PCNT: variants seen among roughly 807,000 people sequenced by gnomAD.
PCNT encodes the protein kendrin.
In PCNT, 319 loss-of-function variants were observed where a neutral mutation model predicts 380.4. The ratio of observed to expected loss-of-function variants is 0.84; its 90% CI spans 0.77 to 0.92. The LOEUF is 0.92. PCNT is among the 40% of genes least tolerant of loss of function. The probability of loss-of-function intolerance (pLI) is 0.00; values close to 1 mark genes in which losing one functional copy is unlikely to be tolerated. For synonymous variants in PCNT, 1,845 were observed against 1,735.2 expected, an observed-to-expected ratio of 1.06 and a Z score of -1.57; for missense variants, 4,400 against 4,255.3, an observed-to-expected ratio of 1.03 and a Z score of -0.95.
chr21:46,371,067 A>AT (rs760145269), intron 15 of PCNT, among the ~76,000 whole-genome samples: 10 of 151,748 alleles, frequency 6.6e-5, no homozygotes, highest in Non-Finnish European at 2.9e-5. Context: ...AAAATAATAA[A>AT]TAAAAATTAA....
At chr21:46,351,328 C>T (rs1186980884) in intron 8 of PCNT, 101 bp from the exon 9 acceptor site, 4 of 776,360 alleles carry the variant, frequency 5.2e-6, no homozygotes, top group Non-Finnish European at 4.7e-6. Context: ...TGAGCTTTTA[C>T]CCTTAGGATC....
chr21:46,429,927 C>A, intron 35 of PCNT, 83 bp from the exon 36 acceptor site: 1 of 1,098,470 alleles, frequency 9.1e-7, no homozygotes, highest in South Asian at 1.3e-5. Flanking sequence ...CTCACGCCCC[C>A]ACGAGTCTGT....
At chr21:46,327,665 G>A (rs79457852) in intron 2 of PCNT, among the ~76,000 whole-genome samples, 12,347 of 152,310 alleles carry the variant, frequency 0.081, 635 homozygotes, top group Middle Eastern at 0.12. Context: ...GGAGTTCTTC[G>A]TGTGTGGTCG....
At chr21:46,391,463 G>A in intron 21 of PCNT, 87 bp downstream of exon 21, 2 of 1,125,364 alleles carry the variant, frequency 1.8e-6, no homozygotes, top group Admixed American at 2.1e-5. Flanking sequence ...AGGACACTCA[G>A]TGTCTCTAGA....
At chr21:46,363,958 G>C (rs766854283) in intron 14 of PCNT, 24 bp downstream of exon 14, 1 of 1,595,368 alleles carries the variant, frequency 6.3e-7, no homozygotes, top group Admixed American at 1.7e-5. Flanking sequence ...GACGCCATCT[G>C]CAGTCCCTGT....
intron 1 of PCNT, chr21:46,324,941 T>C: frequency 2.0e-6 from 2 of 984,920 alleles, no homozygotes; most frequent in South Asian, 9.4e-5. Flanking sequence ...GGCCGCCGTC[T>C]TCTTCCCGCG....
chr21:46,370,287 T>C (rs1424416704), intron 15 of PCNT, among the ~76,000 whole-genome samples: 1 of 151,688 alleles, frequency 6.6e-6, no homozygotes, highest in East Asian at 1.9e-4. Context: ...AGGGTTCTGG[T>C]CTGGTCTGCA....
At chr21:46,363,443 G>C (rs752253324) in intron 13 of PCNT, 37 bp from the exon 14 acceptor site, 3 of 1,538,600 alleles carry the variant, frequency 1.9e-6, no homozygotes, top group Admixed American at 1.7e-5. Context: ...TCTTCCATTA[G>C]CGTCTTTCCT....
intron 41 of PCNT, 81 bp downstream of exon 41, chr21:46,438,418 G>C (rs1186360863): frequency 2.3e-6 from 3 of 1,322,636 alleles, no homozygotes; most frequent in East Asian, 4.6e-5. Context: ...AAGAGGCCGG[G>C]CTCCCTTTAG....
chr21:46,419,279 G>A (rs538877941), intron 31 of PCNT, among the ~76,000 whole-genome samples: 13 of 152,284 alleles, frequency 8.5e-5, no homozygotes, highest in South Asian at 6.2e-4. Context: ...TAGTGAGCAC[G>A]CAGGGTGACA....
At chr21:46,434,266 C>T (rs2087877668) in intron 38 of PCNT, among the ~76,000 whole-genome samples, 1 of 152,204 alleles carries the variant, frequency 6.6e-6, no homozygotes, top group South Asian at 2.1e-4. Flanking sequence ...ATACTCATTC[C>T]TGTTTAAGAG....
In PCNT at chr21:46,372,029, A is replaced by G. The variant is rs553083261; in HGVS notation, c.3165+4890A>G. Among the ~76,000 whole-genome samples the G allele has an allele frequency of 1.6e-3, 233 of 150,052 alleles. 2 individuals carry two copies. The highest frequency in any genetic ancestry group is 0.01 in the Middle Eastern group (3 of 286). ...CAGCACATGCACACACACAGCACAT[A>G]CATGCAGCACTCACAGCATATGTGC... On this transcript the variant is annotated intron_variant, in intron 15 of 46. Transcript: ENST00000359568.
Position 46,363,553 on chromosome 21 carries a change from A to G in PCNT, c.2228A>G (p.Gln743Arg). The G allele has an allele frequency of 1.2e-6, 2 of 1,613,918 alleles. No individual in the cohort carries two copies. The highest frequency in any genetic ancestry group is 8.5e-7 in the Non-Finnish European group (1 of 1,179,856). ...AAGCAAAAGACTGAGCTGATGAAAC[A>G]GGAATTCCAAAGAAAAGAAACGGAC... ...NAKQKTELMKQEFQRKETDWK... is the reference protein window; with the variant it reads ...NAKQKTELMKREFQRKETDWK... The change falls in exon 14 of 47, where the codon CAG becomes CGG. Residue 743 changes from glutamine (Q) to arginine (R), a missense_variant. By Grantham distance (43) the Gln-to-Arg change is conservative. Coordinates refer to ENST00000359568, the MANE Select transcript of PCNT (RefSeq NM_006031.6).
chr21:46,438,087 A>C, intron 40 of PCNT, 77 bp from the exon 41 acceptor site: 1 of 1,149,096 alleles, frequency 8.7e-7, no homozygotes, highest in East Asian at 2.5e-5. Flanking sequence ...CCTAAAAATA[A>C]CTGTTGACAA....
At chr21:46,382,667 C>CAGTGTTGTGCGTTCAGT (rs2085609489) in intron 16 of PCNT, among the ~76,000 whole-genome samples, 1 of 102,158 alleles carries the variant, frequency 9.8e-6, no homozygotes. Context: ...AGCGCATTCA[C>CAGTGTTGTGCGTTCAGT]GGTGTGCGTT....
chr21:46,441,627 G>A (rs763980016), intron 43 of PCNT, among the ~76,000 whole-genome samples: 1 of 152,106 alleles, frequency 6.6e-6, no homozygotes, highest in Non-Finnish European at 1.5e-5. Context: ...GGGGCACTTT[G>A]TCTCCTCGTC....
Position 46,442,543 on chromosome 21 carries a change from G to C in PCNT, c.9670G>C (p.Ala3224Pro), listed in dbSNP as rs1172459663. 6.2e-7 allele frequency: 1 copy of C among 1,612,690 alleles called. No homozygotes were observed. Among genetic ancestry groups the C allele is most frequent in the Admixed American group, 1.7e-5 (1 of 60,010 alleles). The change falls in exon 44 of 47, where the codon GCT becomes CCT. Residue 3224 changes from alanine (A) to proline (P), a missense_variant. Coordinates refer to ENST00000359568, the MANE Select transcript of PCNT (RefSeq NM_006031.6). ...KKWQEVDRKG[A>P]LAQGKAPRPG... is the part of the protein sequence containing the mutation. ...ATGGCAAGAAGTAGATCGGAAAGGA[G>C]CTCTGGCACAAGGCAAAGCCCCTCG...
chr21:46,337,882 T>TG lies in PCNT; in HGVS notation c.639+3115dup, dbSNP rs202042949. ...TACAGGCATGAGCCACCGCGCAGACTGTTTTTTTTGAGACAGTGTCTTGCT... is the reference window on the plus strand; with the variant it reads ...TACAGGCATGAGCCACCGCGCAGACTGGTTTTTTTTGAGACAGTGTCTTGCT... On this transcript the variant is annotated intron_variant, in intron 3 of 46. Transcript: ENST00000359568. Among the ~76,000 whole-genome samples the TG allele has an allele frequency of 7.0e-3, 1,069 of 151,840 alleles. 15 individuals are homozygous for TG. The highest frequency in any genetic ancestry group is 0.024 in the African/African-American group (1,013 of 41,416).
rs115607893 is a variant in PCNT at position 46,335,235 on chromosome 21, G to A, written c.639+467G>A. Among the ~76,000 whole-genome samples the A allele has an allele frequency of 8.1e-3, 1,232 of 152,254 alleles. 18 individuals are homozygous for A. Among genetic ancestry groups the A allele is most frequent in the African/African-American group, 0.028 (1,165 of 41,542 alleles). Reference sequence around the variant, plus strand: ...GCCAGTTGAGAGCCTGGCAGGGCAGGGAGGCTGTGGTCAGTCTGCATGTCC... The same window carrying A: ...GCCAGTTGAGAGCCTGGCAGGGCAGAGAGGCTGTGGTCAGTCTGCATGTCC... On this transcript the variant is annotated intron_variant, in intron 3 of 46. Coordinates refer to ENST00000359568, the MANE Select transcript of PCNT (RefSeq NM_006031.6).
Sources: allele counts gnomAD v4.1 joint callset (sites outside exome capture counted in the v4.1 genomes callset), GRCh38; gene constraint gnomAD v4.1.1; transcripts MANE v1.5; gene names NCBI Gene and HGNC (gene_info 2026-07-23, HGNC 2026-07-21).